Variants in PCDHGA1 observed in about 807,000 individuals in gnomAD.
The protein encoded by PCDHGA1 is protocadherin gamma subfamily A, 1.
In PCDHGA1, 32 loss-of-function variants were observed where a neutral mutation model predicts 58.0. The observed-to-expected ratio is 0.55, with a 90% CI of 0.42 to 0.74. PCDHGA1 has a LOEUF of 0.74. PCDHGA1 is among the 30% of genes least tolerant of loss of function. The probability of loss-of-function intolerance (pLI) is 0.00; values close to 1 mark genes in which losing one functional copy is unlikely to be tolerated. For synonymous variants in PCDHGA1, 498 were observed against 501.1 expected, an observed-to-expected ratio of 0.99 and a Z score of 0.08; for missense variants, 1,205 against 1,182.3, an observed-to-expected ratio of 1.02 and a Z score of -0.28.
chr5:141,372,653 T>A, intron 1 of PCDHGA1: 1 of 1,614,032 alleles, frequency 6.2e-7, no homozygotes. Context: ...ATTCCTACAA[T>A]CCGTGTGCTG....
chr5:141,383,219 A>G (rs1333678455), intron 1 of PCDHGA1: 2 of 1,614,000 alleles, frequency 1.2e-6, no homozygotes, highest in Admixed American at 3.3e-5. Context: ...GTAAACTTTA[A>G]CATCCTGATG....
rs2099385215 is a variant in PCDHGA1 at position 141,476,099 on chromosome 5, G to A, written c.2422-18708G>A. On this transcript the variant is annotated intron_variant, in intron 1 of 3. Coordinates refer to ENST00000517417, the MANE Select transcript of PCDHGA1 (RefSeq NM_018912.3). This position sits in a 1 kb window ranked among gnomAD's most constrained non-coding sequence, Gnocchi z 7.6. ...GGGACGATCTGGACCCCGCTGAGAGGAACTGCTTTTGAGTGAGATGGTCCC... is the reference window on the plus strand; with the variant it reads ...GGGACGATCTGGACCCCGCTGAGAGAAACTGCTTTTGAGTGAGATGGTCCC... 1 of 1,574,916 alleles carries A rather than the reference G, an allele frequency of 6.3e-7. No individual in the cohort carries two copies.
rs376996144 is a variant in PCDHGA1, at chr5:141,491,534, G to C, written c.2422-3273G>C. 3.7e-6 allele frequency: 6 copies of C among 1,613,912 alleles called. No homozygotes were observed. The highest frequency in any genetic ancestry group is 1.3e-5 in the African/African-American group (1 of 74,928). ...CTCAAGTACATGGAGGTGACGCTGC[G>C]GCCCACAGACTCGCAGAGCCACTGC... On this transcript the variant is annotated intron_variant, in intron 1 of 3. Coordinates refer to ENST00000517417, the MANE Select transcript of PCDHGA1 (RefSeq NM_018912.3). This position sits in a 1 kb window ranked among gnomAD's most constrained non-coding sequence, Gnocchi z 6.9.
chr5:141,393,932 C>T (rs758815375), intron 1 of PCDHGA1: 1 of 1,613,916 alleles, frequency 6.2e-7, no homozygotes, highest in East Asian at 2.2e-5. Context: ...GTGTGCATGA[C>T]CAAGACTCTG....
intron 1 of PCDHGA1, chr5:141,405,405 T>C (rs765108115): frequency 1.4e-5 from 22 of 1,588,008 alleles, no homozygotes; most frequent in Non-Finnish European, 1.9e-5. Context: ...TTTCTTTCTT[T>C]TCTTTTTTTG....
intron 1 of PCDHGA1, chr5:141,430,735 A>T (rs1255723102): frequency 6.7e-7 from 1 of 1,497,964 alleles, no homozygotes; most frequent in Non-Finnish European, 8.9e-7. Context: ...GGCAGAATTG[A>T]AAATAATTCT....
intron 1 of PCDHGA1, among the ~76,000 whole-genome samples, chr5:141,462,086 A>C (rs993185274): frequency 6.6e-6 from 1 of 151,410 alleles, no homozygotes; most frequent in Non-Finnish European, 1.5e-5. Flanking sequence ...GCCTCCCAAA[A>C]TGCTGGGATT....
intron 1 of PCDHGA1, chr5:141,375,578 G>A (rs2150062565): frequency 1.9e-6 from 3 of 1,614,062 alleles, no homozygotes; most frequent in Non-Finnish European, 2.5e-6. Context: ...CCTCCAGGGG[G>A]CGCCCCTGTC....
chr5:141,413,366 C>T (rs1452603006), intron 1 of PCDHGA1: 2 of 1,613,958 alleles, frequency 1.2e-6, no homozygotes, highest in Middle Eastern at 1.7e-4. Flanking sequence ...CGGGAGCTGG[C>T]GGAGCGCGGA....
rs377389968 is a variant in PCDHGA1, at chr5:141,404,840, C to T, written c.2421+71735C>T. On this transcript the variant is annotated intron_variant, in intron 1 of 3. Coordinates refer to ENST00000517417, the MANE Select transcript of PCDHGA1 (RefSeq NM_018912.3). Reference sequence around the variant, plus strand: ...GCACACAGGTGAAGTGCGCACAGCTCGGGCCCTGCTAGATAGAGATGCGCT... The same window carrying T: ...GCACACAGGTGAAGTGCGCACAGCTTGGGCCCTGCTAGATAGAGATGCGCT... 3.5e-5 allele frequency: 57 copies of T among 1,613,700 alleles called. No individual in the cohort carries two copies. The African/African-American group carries it at 6.3e-4, about 18-fold the overall frequency.
intron 1 of PCDHGA1, among the ~76,000 whole-genome samples, chr5:141,437,490 A>C (rs549866784): frequency 6.6e-6 from 1 of 152,190 alleles, no homozygotes; most frequent in African/African-American, 2.4e-5. Flanking sequence ...AATCTCGTAG[A>C]TCACTTTTCA....
chr5:141,430,622 A>T, intron 1 of PCDHGA1: 1 of 752,270 alleles, frequency 1.3e-6, no homozygotes, highest in Admixed American at 2.9e-5. Context: ...GATAGCTAGG[A>T]ATGAACCATC....
chr5:141,341,172 G>T (rs1757029041), intron 1 of PCDHGA1: 1 of 1,614,102 alleles, frequency 6.2e-7, no homozygotes, highest in African/African-American at 1.3e-5. Context: ...AGCTTGACAG[G>T]CATGCAGAGC....
intron 1 of PCDHGA1, chr5:141,393,977 T>TA: frequency 6.2e-7 from 1 of 1,613,870 alleles, no homozygotes; most frequent in Non-Finnish European, 8.5e-7. Flanking sequence ...ACACACGTGA[T>TA]AATTTACCTT....
rs201372696 is a variant in PCDHGA1, at chr5:141,400,469, C to T, written c.2421+67364C>T. On this transcript the variant is annotated intron_variant, in intron 1 of 3. Coordinates refer to ENST00000517417, the MANE Select transcript of PCDHGA1 (RefSeq NM_018912.3). ...CAAGACATACTTTGTGGTGATTCATCTGGGGCCTTATTTCCACTTTGTAAT... is the reference window on the plus strand; with the variant it reads ...CAAGACATACTTTGTGGTGATTCATTTGGGGCCTTATTTCCACTTTGTAAT... 15 of 1,613,944 alleles carry T rather than the reference C, an allele frequency of 9.3e-6. No individual in the cohort carries two copies. The African/African-American group carries it at 1.9e-4, about 20-fold the overall frequency.
At chr5:141,457,647 T>C (rs929739178) in intron 1 of PCDHGA1, among the ~76,000 whole-genome samples, 6 of 152,256 alleles carry the variant, frequency 3.9e-5, no homozygotes, top group Non-Finnish European at 8.8e-5. Context: ...ATTATTTGCA[T>C]GAAGTGCAGC....
chr5:141,375,629 G>A (rs567513392), intron 1 of PCDHGA1: 3 of 1,614,192 alleles, frequency 1.9e-6, no homozygotes, highest in Admixed American at 1.7e-5. Flanking sequence ...GATTCTGTAC[G>A]CCCTGCGCTC....
intron 1 of PCDHGA1, chr5:141,375,377 C>CT: frequency 1.2e-6 from 2 of 1,613,940 alleles, no homozygotes; most frequent in South Asian, 2.2e-5. Context: ...AACACCACCT[C>CT]TGTCTACAGA....
At chr5:141,419,555 G>A (rs1411289369) in intron 1 of PCDHGA1, 3 of 1,611,876 alleles carry the variant, frequency 1.9e-6, no homozygotes, top group South Asian at 1.1e-5. Context: ...GCTGTACCCT[G>A]CGCTGGGTCC....
Sources: allele counts gnomAD v4.1 joint callset (sites outside exome capture counted in the v4.1 genomes callset), GRCh38; gene constraint gnomAD v4.1.1; non-coding constraint Gnocchi (gnomAD v3.1); transcripts MANE v1.5; gene names NCBI Gene and HGNC (gene_info 2026-07-23, HGNC 2026-07-21).